Variants in WASF2 observed in about 807,000 individuals in gnomAD.
The protein encoded by WASF2 is WASP family member 2, also known as actin-binding protein WASF2.
A neutral mutation model predicts 45.0 loss-of-function variants in WASF2; 14 were observed. That is an observed-to-expected ratio of 0.31 (90% CI 0.21 to 0.49). The LOEUF (loss-of-function observed/expected upper bound fraction) is 0.49, where lower values mean the gene tolerates loss of function less well. Among genes scored for constraint, WASF2 ranks in the 20% least tolerant of loss-of-function variants. WASF2 has a pLI of 0.99. For synonymous variants in WASF2, 200 were observed against 236.3 expected (o/e 0.85, Z 1.41); for missense variants, 439 against 636.1 (o/e 0.69, Z 3.33).
At chr1:27,424,511 A>G (rs1274643130) in intron 2 of WASF2, among the ~76,000 whole-genome samples, 1 of 147,452 alleles carries the variant, frequency 6.8e-6, no homozygotes, top group Non-Finnish European at 1.5e-5. Context: ...CAAACAATAC[A>G]TGATTTCTAC....
intron 1 of WASF2, among the ~76,000 whole-genome samples, chr1:27,441,043 T>G (rs780242572): frequency 6.6e-6 from 1 of 151,678 alleles, no homozygotes; most frequent in Non-Finnish European, 1.5e-5. Flanking sequence ...ATTTTTTGTA[T>G]TTTTGGTAGA....
At chr1:27,454,629 C>T (rs763277627) in intron 1 of WASF2, among the ~76,000 whole-genome samples, 8 of 152,130 alleles carry the variant, frequency 5.3e-5, no homozygotes, top group Non-Finnish European at 1.2e-4. Context: ...TGAACTACTG[C>T]GCCCAGCCAC....
chr1:27,475,015 C>G (rs548259255), intron 1 of WASF2, among the ~76,000 whole-genome samples: 20 of 152,008 alleles, frequency 1.3e-4, no homozygotes, highest in Non-Finnish European at 2.8e-4. Flanking sequence ...TGGCTCACAT[C>G]TGAAAGCCCA....
At chr1:27,476,542 T>C (rs1306084728) in intron 1 of WASF2, among the ~76,000 whole-genome samples, 1 of 151,584 alleles carries the variant, frequency 6.6e-6, no homozygotes, top group Non-Finnish European at 1.5e-5. Flanking sequence ...GGATACATAT[T>C]CAAACTACAT....
At chr1:27,462,301 A>G (rs2017556715) in intron 1 of WASF2, among the ~76,000 whole-genome samples, 1 of 152,002 alleles carries the variant, frequency 6.6e-6, no homozygotes, top group South Asian at 2.1e-4. Flanking sequence ...TAACCATTTG[A>G]TAATAGGTTG....
At chr1:27,477,743 C>A (rs1188908401) in intron 1 of WASF2, among the ~76,000 whole-genome samples, 1 of 128,730 alleles carries the variant, frequency 7.8e-6, no homozygotes, top group Non-Finnish European at 1.6e-5. Flanking sequence ...ACTAAAAATA[C>A]AAAAAATTAG....
chr1:27,485,454 A>G (rs2017910736), intron 1 of WASF2, among the ~76,000 whole-genome samples: 1 of 152,108 alleles, frequency 6.6e-6, no homozygotes, highest in East Asian at 1.9e-4. Context: ...TAAAAGAAAT[A>G]AAATTTTTAA....
At chr1:27,423,154 A>T (rs2016932017) in intron 2 of WASF2, among the ~76,000 whole-genome samples, 1 of 152,032 alleles carries the variant, frequency 6.6e-6, no homozygotes, top group Admixed American at 6.6e-5. Context: ...AAAAAAAAAA[A>T]AAAAAGTGTT....
chr1:27,486,140 T>C (rs929182452), intron 1 of WASF2, among the ~76,000 whole-genome samples: 6 of 141,708 alleles, frequency 4.2e-5, no homozygotes, highest in African/African-American at 1.8e-4. Context: ...ATAAGGCTAA[T>C]GACAGTACAG....
At chr1:27,474,954 A>G (rs1259919441) in intron 1 of WASF2, among the ~76,000 whole-genome samples, 2 of 151,584 alleles carry the variant, frequency 1.3e-5, no homozygotes, top group Non-Finnish European at 1.5e-5. Context: ...CTTGTCTCAA[A>G]AACAAAACAA....
chr1:27,475,996 C>G (rs1393115771), intron 1 of WASF2, among the ~76,000 whole-genome samples: 1 of 152,158 alleles, frequency 6.6e-6, no homozygotes, highest in Non-Finnish European at 1.5e-5. Flanking sequence ...AGAGCATGCA[C>G]CTTGTTTCTT....
At chr1:27,468,780 G>A (rs370097187) in intron 1 of WASF2, among the ~76,000 whole-genome samples, 159 of 152,036 alleles carry the variant, frequency 1.0e-3, no homozygotes, top group African/African-American at 3.6e-3. Context: ...AGGAGTTCAA[G>A]ACCAGCCTGG....
Position 27,409,697 on chromosome 1 carries a change from C to T in WASF2, c.1334G>A (p.Arg445His), listed in dbSNP as rs946347749. The T allele has an allele frequency of 6.0e-6, 9 of 1,493,302 alleles. No individual in the cohort carries two copies. The highest frequency in any genetic ancestry group is 1.4e-5 in the African/African-American group (1 of 71,228). The allele number at this position is 1,493,302 out of a possible 1,614,324, so 92.5% of individuals were successfully genotyped here. Residue 445 changes from arginine (R) to histidine (H), a missense_variant, in exon 8 of 9, where the codon CGT becomes CAT. Arg to His is a conservative substitution (Grantham distance 29). Coordinates refer to ENST00000618852, the MANE Select transcript of WASF2 (RefSeq NM_006990.5). ...DARSDLLSAI[R>H]QGFQLRRVEE... The stretch of plus-strand genomic sequence containing the variant: ...AACCCACCATTGAAATTTACCTTGA[C>T]GGATGGCTGAAAGCAGGTCGCTACG...
At chr1:27,460,753 T>C (rs2017532976) in intron 1 of WASF2, among the ~76,000 whole-genome samples, 2 of 152,182 alleles carry the variant, frequency 1.3e-5, no homozygotes. Context: ...TAGAGCAAAA[T>C]AGTCCTATAA....
In WASF2 at chr1:27,428,875, TC is replaced by T. The variant is rs2017023303; in HGVS notation, c.15del (p.Arg6GlyfsTer23). On this transcript the variant is annotated frameshift_variant, in exon 2 of 9. Transcript: ENST00000618852. LOFTEE classifies it high-confidence loss of function. MPLV[T>X]RNIEPRHLCR... ...CACAGGTGCCTTGGCTCGATGTTCC[TC>T]GTTACTAACGGCATGGTGGACCTGC... is the stretch of plus-strand genomic sequence containing the variant. The T allele has an allele frequency of 6.2e-7, 1 of 1,613,976 alleles. No homozygotes were observed. The highest frequency in any genetic ancestry group is 1.3e-5 in the African/African-American group (1 of 74,886).
chr1:27,466,158 T>C (rs1170031199), intron 1 of WASF2, among the ~76,000 whole-genome samples: 2 of 152,230 alleles, frequency 1.3e-5, no homozygotes, highest in African/African-American at 4.8e-5. Context: ...AATTAAGTAT[T>C]TACCTTGCCT....
In WASF2 at chr1:27,416,062, A is replaced by T. The variant is rs779844899; in HGVS notation, c.460T>A (p.Ser154Thr). 6.2e-7 allele frequency: 1 copy of T among 1,613,980 alleles called. No homozygotes were observed. Among genetic ancestry groups the T allele is most frequent in the Non-Finnish European group, 8.5e-7 (1 of 1,179,986 alleles). Residue 154 changes from serine (S) to threonine (T), a missense_variant, in exon 5 of 9, where the codon TCA becomes ACA. Around this residue, in one of 5 missense-constraint regions of WASF2, gnomAD observed 98 missense variants for 120.7 expected, o/e 0.81. Transcript: ENST00000618852. ...KEALKFYTDPSYFFDLWKEKM... is the reference protein window; with the variant it reads ...KEALKFYTDPTYFFDLWKEKM... ...TCCTTCCAAAGATCAAAGAAGTATG[A>T]AGGGTCTGTGTAGAATTTGAGTGCC...
chr1:27,447,654 G>A (rs377185353), intron 1 of WASF2, among the ~76,000 whole-genome samples: 5 of 152,136 alleles, frequency 3.3e-5, no homozygotes, highest in Admixed American at 1.3e-4. Flanking sequence ...AATGGATTCC[G>A]AACAGTCACG....
chr1:27,421,773 G>A (rs1557599501), intron 2 of WASF2, among the ~76,000 whole-genome samples: 2 of 151,660 alleles, frequency 1.3e-5, no homozygotes, highest in South Asian at 2.1e-4. Context: ...CCAAGATCGC[G>A]CCATTGCACT....
Sources: gnomAD v4.1 joint callset for allele counts (sites outside exome capture counted in the v4.1 genomes callset) on GRCh38, gnomAD v4.1.1 for gene constraint, gnomAD v4.1.1 regional missense constraint, MANE v1.5 for transcripts, NCBI Gene and HGNC (gene_info 2026-07-23, HGNC 2026-07-21) for gene names.